SATB1: variants seen among roughly 807,000 people sequenced by gnomAD.
SATB1 encodes the protein SATB homeobox 1, also known as DNA-binding protein SATB1.
A neutral mutation model predicts 86.9 loss-of-function variants in SATB1; 11 were observed. The ratio of observed to expected loss-of-function variants is 0.13; its 90% CI spans 0.08 to 0.21. The LOEUF is 0.21. Ranked by LOEUF, SATB1 falls within the 10% of genes least tolerant of loss-of-function variation. The probability of loss-of-function intolerance (pLI) is 1.00; values close to 1 mark genes in which losing one functional copy is unlikely to be tolerated. For synonymous variants in SATB1, 357 were observed against 357.2 expected (o/e 1.00, Z 0.01); for missense variants, 551 against 937.6 (o/e 0.59, Z 5.39).
intron 7 of SATB1, among the ~76,000 whole-genome samples, chr3:18,388,745 T>C (rs935812141): frequency 1.3e-5 from 2 of 152,234 alleles, no homozygotes; most frequent in East Asian, 1.9e-4. Context: ...TTTTTCCTAA[T>C]TGTCTAATAA....
At position 18,352,419 on chromosome 3, in the gene SATB1, G is replaced by C; in HGVS notation, c.1576-224C>G. 1 of 507,856 alleles carries C rather than the reference G, an allele frequency of 2.0e-6. No individual in the cohort carries two copies. Among genetic ancestry groups the C allele is most frequent in the Non-Finnish European group, 3.5e-6 (1 of 282,496 alleles). 31.5% of individuals were successfully genotyped at this position (507,856 alleles called of 1,614,324 possible). On this transcript the variant is annotated intron_variant, in intron 9 of 10. Transcript: ENST00000338745. The surrounding 1 kb of genome is among the most constrained non-coding windows in gnomAD (Gnocchi z 4.1). ...AAGTTCAGATTTGCATCTCAAAGGAGGGACATATTTTTTCAGACTCTGAGG... is the reference window on the plus strand; with the variant it reads ...AAGTTCAGATTTGCATCTCAAAGGACGGACATATTTTTTCAGACTCTGAGG...
chr3:18,384,987 T>A (rs1696257398), intron 8 of SATB1, among the ~76,000 whole-genome samples: 1 of 152,218 alleles, frequency 6.6e-6, no homozygotes, highest in Non-Finnish European at 1.5e-5. Flanking sequence ...TTAAATAAAC[T>A]AGTGAAAATG....
chr3:18,386,326 C>G lies in SATB1; in HGVS notation c.1419+73G>C. 2 of 1,150,554 alleles carry G rather than the reference C, an allele frequency of 1.7e-6. No homozygotes were observed. Among genetic ancestry groups the G allele is most frequent in the Non-Finnish European group, 2.5e-6 (2 of 785,504 alleles). 71.3% of individuals were successfully genotyped at this position (1,150,554 alleles called of 1,614,324 possible). ...ATCTATGTATCTATCTATCTAATTT[C>G]TTATTGAGATTCTTCCTCAAGCATT... On this transcript the variant is annotated intron_variant, in intron 8 of 10. Coordinates refer to ENST00000338745, the MANE Select transcript of SATB1 (RefSeq NM_002971.6). This position sits in a 1 kb window ranked among gnomAD's most constrained non-coding sequence, Gnocchi z 4.5.
intron 9 of SATB1, among the ~76,000 whole-genome samples, chr3:18,361,522 A>G (rs1156962205): frequency 6.6e-6 from 1 of 152,134 alleles, no homozygotes; most frequent in Non-Finnish European, 1.5e-5. Context: ...TCTCCTAGGA[A>G]GTTTTACTCA....
chr3:18,399,527 T>C (rs780640093), intron 5 of SATB1, among the ~76,000 whole-genome samples: 3 of 152,178 alleles, frequency 2.0e-5, no homozygotes, highest in Non-Finnish European at 4.4e-5. Flanking sequence ...AACTAGAACC[T>C]ATATGTAATA....
At chr3:18,414,566 C>T (rs895383467) in intron 5 of SATB1, among the ~76,000 whole-genome samples, 2 of 151,970 alleles carry the variant, frequency 1.3e-5, no homozygotes, top group Non-Finnish European at 2.9e-5. Context: ...AAACTGGTCA[C>T]AAAATCCTAA....
intron 5 of SATB1, among the ~76,000 whole-genome samples, chr3:18,411,269 T>C (rs1023213432): frequency 3.3e-5 from 5 of 152,122 alleles, no homozygotes; most frequent in Non-Finnish European, 7.4e-5. Context: ...GATGTGTGTG[T>C]GTGCACGTGT....
rs1417734931 is a variant in SATB1, at chr3:18,424,114, A to C, written c.-512T>G. ...TGGGGAAACGACGTGGTGACTGAGG[A>C]TTCTCTTAAAAAAAAAAAAATCACT... On this transcript the variant is annotated 5_prime_UTR_variant, in exon 1 of 11. Coordinates refer to ENST00000338745, the MANE Select transcript of SATB1 (RefSeq NM_002971.6). The C allele has an allele frequency of 1.3e-5, 2 of 151,416 alleles. No homozygotes were observed. Among genetic ancestry groups the C allele is most frequent in the Non-Finnish European group, 2.9e-5 (2 of 67,938 alleles). 9.4% of individuals were successfully genotyped at this position (151,416 alleles called of 1,614,324 possible).
intron 3 of SATB1, among the ~76,000 whole-genome samples, chr3:18,416,631 C>A (rs1043052772): frequency 3.9e-5 from 6 of 151,982 alleles, no homozygotes; most frequent in Non-Finnish European, 8.8e-5. Flanking sequence ...CCTTGTGGGT[C>A]CTCAGTGGAG....
upstream of SATB1, among the ~76,000 whole-genome samples, chr3:18,439,004 G>A (rs1699162487): frequency 6.6e-6 from 1 of 152,170 alleles, no homozygotes; most frequent in African/African-American, 2.4e-5. Context: ...AATGAGTGAG[G>A]AGTGTAATAA....
At position 18,349,720 on chromosome 3, in the gene SATB1, C is replaced by T. The variant is rs557822692; in HGVS notation, c.1780-38G>A. Reference sequence around the variant, plus strand: ...AAGGAGACAATCAGAGCTCTGCTATCGTGGAGTTCCACACAAAGCCGTCTC... The same window carrying T: ...AAGGAGACAATCAGAGCTCTGCTATTGTGGAGTTCCACACAAAGCCGTCTC... On this transcript the variant is annotated intron_variant, in intron 10 of 10. Transcript: ENST00000338745. This position sits in a 1 kb window ranked among gnomAD's most constrained non-coding sequence, Gnocchi z 5.5. 6.4e-6 allele frequency: 10 copies of T among 1,551,542 alleles called. No homozygotes were observed. Among genetic ancestry groups the T allele is most frequent in the Non-Finnish European group, 7.8e-6 (9 of 1,150,088 alleles).
chr3:18,387,809 C>T (rs1367161645), intron 7 of SATB1, among the ~76,000 whole-genome samples: 2 of 152,052 alleles, frequency 1.3e-5, no homozygotes, highest in South Asian at 2.1e-4. Context: ...AGGAAGGTAA[C>T]GTGTCATGTC....
At chr3:18,378,991 A>G (rs1252925472) in intron 8 of SATB1, among the ~76,000 whole-genome samples, 1 of 152,234 alleles carries the variant, frequency 6.6e-6, no homozygotes, top group East Asian at 1.9e-4. Context: ...ACCCCTGTAT[A>G]TAACTATTTC....
At chr3:18,429,648 T>C (rs1020666436), upstream of SATB1, among the ~76,000 whole-genome samples, 3 of 152,180 alleles carry the variant, frequency 2.0e-5, no homozygotes, top group African/African-American at 7.2e-5. The surrounding 1 kb of genome is among the most constrained non-coding windows in gnomAD (Gnocchi z 4.1). Context: ...GCCTCATGCT[T>C]TTCTTGTCTA....
chr3:18,358,115 T>C (rs1317784623), intron 9 of SATB1, among the ~76,000 whole-genome samples: 1 of 151,996 alleles, frequency 6.6e-6, no homozygotes, highest in Non-Finnish European at 1.5e-5. Flanking sequence ...TCTTTCCAAA[T>C]GCTTAAAATT....
intron 9 of SATB1, among the ~76,000 whole-genome samples, chr3:18,363,945 A>G (rs368906037): frequency 9.3e-4 from 141 of 152,284 alleles, no homozygotes; most frequent in African/African-American, 3.2e-3. Context: ...TATCAGAGAA[A>G]AGGTTGTCTG....
At chr3:18,445,298 G>A (rs1312454147) in intron 1 of SATB1, 9 of 985,332 alleles carry the variant, frequency 9.1e-6, no homozygotes, top group Non-Finnish European at 1.1e-5. Context: ...AGCCGCCGCC[G>A]CCGCCGCCGC....
At chr3:18,401,763 G>A (rs1293104689) in intron 5 of SATB1, among the ~76,000 whole-genome samples, 1 of 152,046 alleles carries the variant, frequency 6.6e-6, no homozygotes, top group Non-Finnish European at 1.5e-5. Flanking sequence ...CATCCTAGGA[G>A]CCAAGTTGTA....
chr3:18,441,418 G>A (rs1233059102), upstream of SATB1, among the ~76,000 whole-genome samples: 6 of 152,114 alleles, frequency 3.9e-5, no homozygotes, highest in Non-Finnish European at 7.4e-5. Flanking sequence ...AAAGGGAAAA[G>A]AGATTAAAAA....
Sources: gnomAD v4.1 joint callset for allele counts (sites outside exome capture counted in the v4.1 genomes callset) on GRCh38, gnomAD v4.1.1 for gene constraint, Gnocchi (gnomAD v3.1) non-coding constraint, MANE v1.5 for transcripts, NCBI Gene and HGNC (gene_info 2026-07-23, HGNC 2026-07-21) for gene names.